Variants in SLC39A11 observed in about 807,000 individuals in gnomAD.
SLC39A11 encodes solute carrier family 39 member 11.
SLC39A11 carries 33 observed loss-of-function variants against 36.1 expected under a neutral mutation model. The ratio of observed to expected loss-of-function variants is 0.91; its 90% CI spans 0.69 to 1.22. The LOEUF (loss-of-function observed/expected upper bound fraction) is 1.22. Among genes scored for constraint, SLC39A11 ranks in the 50% most tolerant of loss-of-function variants. The pLI is 0.00. For missense variants in SLC39A11, 432 were observed against 430.3 expected (o/e 1.00, Z -0.03); for synonymous variants, 166 against 170.3 (o/e 0.97, Z 0.20).
intron 4 of SLC39A11, among the ~76,000 whole-genome samples, chr17:72,980,091 T>C (rs1598703507): frequency 1.3e-5 from 2 of 152,110 alleles, no homozygotes; most frequent in Admixed American, 1.3e-4. Context: ...CCACCAACAA[T>C]AGCGGGACCC....
chr17:72,732,301 A>G (rs542872741), intron 7 of SLC39A11, among the ~76,000 whole-genome samples: 2 of 152,160 alleles, frequency 1.3e-5, no homozygotes, highest in South Asian at 2.1e-4. Flanking sequence ...GGCGTGAGCC[A>G]CGGCACCTGG....
intron 6 of SLC39A11, among the ~76,000 whole-genome samples, chr17:72,783,857 GTCT>G (rs1344157655): frequency 6.6e-6 from 1 of 152,256 alleles, no homozygotes; most frequent in South Asian, 2.1e-4. Context: ...GAGCTGGGGG[GTCT>G]CCATGCCCCC....
chr17:72,841,673 A>G (rs760094614), intron 6 of SLC39A11, among the ~76,000 whole-genome samples: 53 of 152,202 alleles, frequency 3.5e-4, no homozygotes, highest in Non-Finnish European at 6.2e-4. Context: ...TAATAATTGT[A>G]CATTTTAAAA....
intron 3 of SLC39A11, among the ~76,000 whole-genome samples, chr17:73,045,347 A>T (rs1372700219): frequency 1.4e-5 from 2 of 138,436 alleles, no homozygotes; most frequent in Non-Finnish European, 3.1e-5. Context: ...TTTATTGACC[A>T]GTCACCTAAT....
chr17:72,791,511 T>C (rs892502496), intron 6 of SLC39A11, among the ~76,000 whole-genome samples: 2 of 152,094 alleles, frequency 1.3e-5, no homozygotes, highest in African/African-American at 4.8e-5. Flanking sequence ...AAATAGCAAA[T>C]TGCAATCACA....
At chr17:72,741,718 G>A (rs1338725870) in intron 6 of SLC39A11, among the ~76,000 whole-genome samples, 1 of 152,180 alleles carries the variant, frequency 6.6e-6, no homozygotes. Flanking sequence ...AGAGAGGGAA[G>A]GTGATGGGAG....
At chr17:72,948,544 C>G (rs2085605170) in intron 4 of SLC39A11, among the ~76,000 whole-genome samples, 1 of 152,224 alleles carries the variant, frequency 6.6e-6, no homozygotes, top group Admixed American at 6.5e-5. Context: ...TCCACATCTT[C>G]ACGTGTCTTA....
At chr17:72,862,556 C>T (rs1039963024) in intron 5 of SLC39A11, among the ~76,000 whole-genome samples, 5 of 152,120 alleles carry the variant, frequency 3.3e-5, no homozygotes, top group Admixed American at 2.0e-4. Context: ...CAAAGAATGG[C>T]TTAGTTCCTA....
chr17:72,784,911 G>A (rs1317787723), intron 6 of SLC39A11, among the ~76,000 whole-genome samples: 6 of 148,826 alleles, frequency 4.0e-5, no homozygotes, highest in African/African-American at 1.5e-4. Context: ...CCAGGCTGGA[G>A]TGCAGTGGTG....
chr17:72,716,976 A>AAAAG (rs2073403436), intron 7 of SLC39A11, among the ~76,000 whole-genome samples: 1 of 119,632 alleles, frequency 8.4e-6, no homozygotes, highest in African/African-American at 3.8e-5. Context: ...CTCAAAAAAA[A>AAAAG]AAAAATATAT....
intron 6 of SLC39A11, among the ~76,000 whole-genome samples, chr17:72,798,074 G>C (rs934930785): frequency 6.6e-6 from 1 of 152,116 alleles, no homozygotes; most frequent in African/African-American, 2.4e-5. Flanking sequence ...GAGCCTTCCC[G>C]TTTGGGCACG....
chr17:72,788,616 C>A (rs957458988), intron 6 of SLC39A11, among the ~76,000 whole-genome samples: 1 of 152,236 alleles, frequency 6.6e-6, no homozygotes, highest in Admixed American at 6.5e-5. Context: ...AAGAATAATA[C>A]ACACATAATT....
chr17:73,085,870 G>C (rs1259521189), intron 2 of SLC39A11, among the ~76,000 whole-genome samples: 2 of 152,142 alleles, frequency 1.3e-5, no homozygotes, highest in African/African-American at 4.8e-5. Context: ...CAGTAGGATG[G>C]ATATGTTAAC....
intron 4 of SLC39A11, among the ~76,000 whole-genome samples, chr17:73,025,714 C>T (rs774291964): frequency 6.6e-6 from 1 of 152,102 alleles, no homozygotes; most frequent in Non-Finnish European, 1.5e-5. Context: ...AGTCAGGGTT[C>T]CTACTGCTAT....
intron 6 of SLC39A11, among the ~76,000 whole-genome samples, chr17:72,828,820 G>C (rs999259765): frequency 1.3e-5 from 2 of 152,118 alleles, no homozygotes; most frequent in South Asian, 4.1e-4. Flanking sequence ...CCGCTCCACT[G>C]TCTCCTCCAA....
intron 5 of SLC39A11, among the ~76,000 whole-genome samples, chr17:72,904,661 C>T (rs1354847593): frequency 2.0e-5 from 3 of 152,280 alleles, no homozygotes; most frequent in Admixed American, 6.5e-5. Context: ...AACTGGGCCC[C>T]GGTTTGTTTC....
At chr17:72,713,875 G>A (rs1035148007) in intron 7 of SLC39A11, among the ~76,000 whole-genome samples, 2 of 152,114 alleles carry the variant, frequency 1.3e-5, no homozygotes, top group Non-Finnish European at 2.9e-5. Context: ...TGACCCTGGA[G>A]CCATTCATAG....
chr17:72,730,824 T>C (rs1374364800), intron 7 of SLC39A11, among the ~76,000 whole-genome samples: 1 of 152,162 alleles, frequency 6.6e-6, no homozygotes, highest in Non-Finnish European at 1.5e-5. Flanking sequence ...GATGCCTAGA[T>C]GATTTTTTTT....
intron 5 of SLC39A11, among the ~76,000 whole-genome samples, chr17:72,915,645 C>T (rs7224001): frequency 0.14 from 22,019 of 152,230 alleles, 1,924 homozygotes; most frequent in Non-Finnish European, 0.2. Flanking sequence ...TACCTGTCAT[C>T]GGGTGTTTAG....
Sources: gnomAD v4.1 joint callset for allele counts (sites outside exome capture counted in the v4.1 genomes callset) on GRCh38, gnomAD v4.1.1 for gene constraint, MANE v1.5 for transcripts, NCBI Gene and HGNC (gene_info 2026-07-23, HGNC 2026-07-21) for gene names.